Variants in RAB38 observed in about 807,000 individuals in gnomAD.
The protein encoded by RAB38 is RAB38, member RAS oncogene family.
RAB38 carries 15 observed loss-of-function variants against 18.4 expected under a neutral mutation model. The observed-to-expected ratio is 0.82, with a 90% CI of 0.55 to 1.26. The LOEUF is 1.26. Among genes scored for constraint, RAB38 ranks in the 50% most tolerant of loss-of-function variants. The pLI, the probability that RAB38 is intolerant of heterozygous loss-of-function variation, is 0.00. For synonymous variants in RAB38, 101 were observed against 104.4 expected (o/e 0.97, Z 0.20); for missense variants, 294 against 267.4 (o/e 1.10, Z -0.69).
chr11:87,965,184 G>T, the RAB38 span, among the ~76,000 whole-genome samples: 1 of 151,936 alleles, frequency 6.6e-6, no homozygotes, highest in East Asian at 1.9e-4. Context: ...GAGAACCACT[G>T]TACCAGAGAA....
chr11:88,046,556 C>A, the RAB38 span, among the ~76,000 whole-genome samples: 129 of 152,312 alleles, frequency 8.5e-4, no homozygotes, highest in African/African-American at 2.9e-3. Flanking sequence ...TGCAAGGCTA[C>A]ACAGACAGCT....
the RAB38 span, among the ~76,000 whole-genome samples, chr11:87,846,808 T>A: frequency 6.6e-6 from 1 of 152,088 alleles, no homozygotes; most frequent in South Asian, 2.1e-4. Context: ...ATGCAGTTAA[T>A]TTTTTAAAAT....
the RAB38 span, among the ~76,000 whole-genome samples, chr11:87,813,950 T>G: frequency 6.6e-6 from 1 of 152,244 alleles, no homozygotes. Flanking sequence ...TGCTTGGTAC[T>G]TGCTCCTTTT....
the RAB38 span, among the ~76,000 whole-genome samples, chr11:88,051,944 C>T: frequency 3.3e-5 from 5 of 152,002 alleles, no homozygotes; most frequent in East Asian, 1.9e-4. Context: ...ACCCACATGG[C>T]GAAACACCTT....
At chr11:88,056,824 AATAAATAAATAC>A in the RAB38 span, among the ~76,000 whole-genome samples, 8 of 109,504 alleles carry the variant, frequency 7.3e-5, no homozygotes, top group South Asian at 2.2e-3. Context: ...TAAATAAATA[AATAAATAAATAC>A]ATACATACAT....
chr11:87,884,465 G>T, the RAB38 span, among the ~76,000 whole-genome samples: 2 of 151,924 alleles, frequency 1.3e-5, no homozygotes, highest in Non-Finnish European at 2.9e-5. Flanking sequence ...TGACAAGATG[G>T]TTTGTAGCAG....
At chr11:88,040,848 T>C in the RAB38 span, among the ~76,000 whole-genome samples, 8 of 152,244 alleles carry the variant, frequency 5.3e-5, no homozygotes, top group African/African-American at 1.7e-4. Flanking sequence ...ACACTTGCCA[T>C]GTTGCACGAA....
chr11:87,958,929 G>T, the RAB38 span, among the ~76,000 whole-genome samples: 1 of 152,068 alleles, frequency 6.6e-6, no homozygotes, highest in East Asian at 1.9e-4. Context: ...CCCCAAATAA[G>T]ACAATAGAGA....
chr11:87,823,338 C>G, the RAB38 span, among the ~76,000 whole-genome samples: 2 of 151,624 alleles, frequency 1.3e-5, no homozygotes, highest in East Asian at 3.9e-4. Context: ...TAATAATTCT[C>G]CCCAAATTCA....
chr11:87,845,563 A>T, the RAB38 span, among the ~76,000 whole-genome samples: 1 of 152,136 alleles, frequency 6.6e-6, no homozygotes, highest in African/African-American at 2.4e-5. Flanking sequence ...TCAAAGATTG[A>T]ATACATGTGT....
chr11:88,154,686 C>A (rs72960973), intron 1 of RAB38, among the ~76,000 whole-genome samples: 4 of 152,304 alleles, frequency 2.6e-5, no homozygotes, highest in Admixed American at 6.5e-5. Flanking sequence ...GGCATTCAGA[C>A]GACCTGTTCA....
At chr11:88,004,758 A>C in the RAB38 span, among the ~76,000 whole-genome samples, 1 of 151,422 alleles carries the variant, frequency 6.6e-6, no homozygotes, top group East Asian at 1.9e-4. Flanking sequence ...AAAGGAAATA[A>C]AACTACTAAA....
At chr11:88,105,755 T>C in the RAB38 span, among the ~76,000 whole-genome samples, 2 of 152,136 alleles carry the variant, frequency 1.3e-5, no homozygotes, top group Non-Finnish European at 2.9e-5. Flanking sequence ...ACCTGTCACT[T>C]GAGCCACGAA....
At chr11:88,016,435 GA>G in the RAB38 span, among the ~76,000 whole-genome samples, 1 of 152,094 alleles carries the variant, frequency 6.6e-6, no homozygotes, top group African/African-American at 2.4e-5. Context: ...TTGAAGACTT[GA>G]AATAAAGATA....
chr11:87,942,405 G>A, the RAB38 span, among the ~76,000 whole-genome samples: 1 of 152,042 alleles, frequency 6.6e-6, no homozygotes, highest in Non-Finnish European at 1.5e-5. Flanking sequence ...GAATTCTAGG[G>A]TAATAAAGAG....
the RAB38 span, among the ~76,000 whole-genome samples, chr11:87,866,084 A>G: frequency 6.6e-6 from 1 of 151,740 alleles, no homozygotes; most frequent in Non-Finnish European, 1.5e-5. Context: ...TCCAAACCAG[A>G]TTGATCTTCC....
chr11:87,934,290 C>T, the RAB38 span, among the ~76,000 whole-genome samples: 1 of 152,100 alleles, frequency 6.6e-6, no homozygotes, highest in East Asian at 1.9e-4. Context: ...CCATTTAAGA[C>T]ACAATTGAAG....
the RAB38 span, among the ~76,000 whole-genome samples, chr11:88,019,359 T>C: frequency 6.6e-6 from 1 of 152,112 alleles, no homozygotes; most frequent in African/African-American, 2.4e-5. Flanking sequence ...TCCTCTCAGC[T>C]TTCTCTGTGA....
chr11:88,125,900 T>A (rs902524682), intron 2 of RAB38, among the ~76,000 whole-genome samples: 15 of 152,202 alleles, frequency 9.9e-5, no homozygotes, highest in African/African-American at 3.6e-4. Context: ...GTATAAGGTG[T>A]AAGGAAGGGA....
Sources: gnomAD v4.1 joint callset for allele counts (sites outside exome capture counted in the v4.1 genomes callset) on GRCh38, gnomAD v4.1.1 for gene constraint, MANE v1.5 for transcripts, NCBI Gene and HGNC (gene_info 2026-07-23, HGNC 2026-07-21) for gene names.